The following PRKAR2B variants were observed in gnomAD, a reference collection of about 807,000 sequenced individuals.
PRKAR2B encodes protein kinase cAMP-dependent type II regulatory subunit beta, also known as cAMP-dependent protein kinase type II-beta regulatory subunit.
In PRKAR2B, 14 loss-of-function variants were observed where a neutral mutation model predicts 49.9. The observed-to-expected ratio is 0.28, with a 90% CI of 0.19 to 0.44. The LOEUF is 0.44. Ranked by LOEUF, PRKAR2B falls within the 20% of genes least tolerant of loss-of-function variation. The pLI is 1.00. For missense variants in PRKAR2B, 393 were observed against 537.9 expected, an observed-to-expected ratio of 0.73 and a Z score of 2.67; for synonymous variants, 196 against 197.7, an observed-to-expected ratio of 0.99 and a Z score of 0.07.
chr7:107,084,732 T>C (rs1584419348), intron 2 of PRKAR2B, among the ~76,000 whole-genome samples: 1 of 152,024 alleles, frequency 6.6e-6, no homozygotes, highest in South Asian at 2.1e-4. Flanking sequence ...GCCATTCTCC[T>C]GCCTCAACCT....
intron 1 of PRKAR2B, among the ~76,000 whole-genome samples, chr7:107,051,362 C>T (rs1394858739): frequency 6.6e-6 from 1 of 152,024 alleles, no homozygotes; most frequent in Non-Finnish European, 1.5e-5. Context: ...TAAGAAGAGA[C>T]AATGGAAAAG....
At chr7:107,112,709 C>T (rs2395835) in intron 2 of PRKAR2B, among the ~76,000 whole-genome samples, 11 of 151,680 alleles carry the variant, frequency 7.3e-5, no homozygotes, top group African/African-American at 1.9e-4. Flanking sequence ...ATGCTTATTA[C>T]GTTTTTTACA....
At chr7:107,112,719 A>C (rs1795199667) in intron 2 of PRKAR2B, among the ~76,000 whole-genome samples, 1 of 152,154 alleles carries the variant, frequency 6.6e-6, no homozygotes, top group South Asian at 2.1e-4. Flanking sequence ...CGTTTTTTAC[A>C]TGGATTTATT....
At chr7:107,129,367 G>A (rs1221080352) in intron 4 of PRKAR2B, among the ~76,000 whole-genome samples, 7 of 152,038 alleles carry the variant, frequency 4.6e-5, no homozygotes, top group Admixed American at 3.9e-4. Context: ...GCTTTGATAG[G>A]CCTAAATTTG....
intron 1 of PRKAR2B, chr7:107,067,444 T>TA (rs1401210089): frequency 6.6e-6 from 1 of 152,174 alleles, no homozygotes; most frequent in Non-Finnish European, 1.5e-5. Flanking sequence ...CCCATCTTCT[T>TA]AACTGTCCAA....
In PRKAR2B at chr7:107,072,519, G is replaced by T. The variant is rs1342783088; in HGVS notation, c.343+2203G>T. On this transcript the variant is annotated intron_variant, in intron 2 of 10. Transcript: ENST00000265717. ...TGTGGTATAAGAAAAAAGGGAAGAG[G>T]ATTTATTTAATCATCTACTTCTCTG... Among the ~76,000 whole-genome samples, 3 of 152,040 alleles carry T rather than the reference G, an allele frequency of 2.0e-5. No individual in the cohort carries two copies. The East Asian group carries it at 5.8e-4, about 29-fold the overall frequency.
At chr7:107,108,634 C>T (rs751668025) in intron 2 of PRKAR2B, among the ~76,000 whole-genome samples, 31 of 152,168 alleles carry the variant, frequency 2.0e-4, no homozygotes, top group Non-Finnish European at 2.9e-5. Context: ...GTGAAGGTTT[C>T]CCTCAGTTTT....
At chr7:107,075,941 G>A (rs1252006841) in intron 2 of PRKAR2B, among the ~76,000 whole-genome samples, 1 of 152,094 alleles carries the variant, frequency 6.6e-6, no homozygotes, top group Admixed American at 6.6e-5. Context: ...TCTCTGAATT[G>A]GGGAGGGGCT....
chr7:107,101,082 A>T (rs1374330625), intron 2 of PRKAR2B, among the ~76,000 whole-genome samples: 3 of 142,830 alleles, frequency 2.1e-5, no homozygotes, highest in Non-Finnish European at 4.5e-5. Flanking sequence ...ATTTTAGATT[A>T]TACATTGTAG....
intron 2 of PRKAR2B, among the ~76,000 whole-genome samples, chr7:107,111,854 GT>G (rs1262842184): frequency 6.6e-6 from 1 of 151,784 alleles, no homozygotes; most frequent in Non-Finnish European, 1.5e-5. Context: ...CCAGTAGTAT[GT>G]AAAAAAGTCT....
intron 2 of PRKAR2B, among the ~76,000 whole-genome samples, chr7:107,092,268 TGC>T (rs1385555772): frequency 4.7e-5 from 7 of 148,462 alleles, no homozygotes; most frequent in African/African-American, 1.5e-4. Context: ...TGTGTGTGTG[TGC>T]GTGTGTCTGT....
Position 107,159,710 on chromosome 7 carries a change from A to G in PRKAR2B, c.*128A>G. The G allele has an allele frequency of 1.1e-6, 1 of 948,812 alleles. No homozygotes were observed. 58.8% of individuals were successfully genotyped at this position (948,812 alleles called of 1,614,324 possible). ...GGTTTTTTCCTTTTTTTACATTTAC[A>G]ACGTATCAATAAACAGTAGTGATTT... is the stretch of plus-strand genomic sequence containing the variant. On this transcript the variant is annotated 3_prime_UTR_variant, in exon 11 of 11. Transcript: ENST00000265717.
chr7:107,081,458 A>G (rs967157998), intron 2 of PRKAR2B, among the ~76,000 whole-genome samples: 1 of 138,144 alleles, frequency 7.2e-6, no homozygotes, highest in African/African-American at 2.8e-5. Flanking sequence ...GCTGACTACT[A>G]GAGAATGTTA....
rs928823801 is a variant in PRKAR2B at position 107,070,334 on chromosome 7, A to C, written c.343+18A>C. On this transcript the variant is annotated intron_variant, in intron 2 of 10. Coordinates refer to ENST00000265717, the MANE Select transcript of PRKAR2B (RefSeq NM_002736.3). ...TGCCTCAGGTAAGTCTGATTATATT[A>C]TGGATTTTGTTTATTAATGGTGACA... is the stretch of plus-strand genomic sequence containing the variant. 6.3e-7 allele frequency: 1 copy of C among 1,587,500 alleles called. No individual in the cohort carries two copies. Among genetic ancestry groups the C allele is most frequent in the Non-Finnish European group, 8.6e-7 (1 of 1,159,660 alleles).
At chr7:107,144,635 G>GT (rs1795855553) in intron 5 of PRKAR2B, among the ~76,000 whole-genome samples, 1 of 150,042 alleles carries the variant, frequency 6.7e-6, no homozygotes, top group Non-Finnish European at 1.5e-5. Context: ...TAATTTTTTG[G>GT]TTTTTTGTAG....
At chr7:107,101,132 C>CTTTTT (rs1294832424) in intron 2 of PRKAR2B, among the ~76,000 whole-genome samples, 3 of 122,826 alleles carry the variant, frequency 2.4e-5, no homozygotes, top group Non-Finnish European at 3.4e-5. Context: ...CAGGTTGTTG[C>CTTTTT]TTATTTTTTT....
chr7:107,064,483 C>G (rs1794092741), intron 1 of PRKAR2B, among the ~76,000 whole-genome samples: 1 of 152,158 alleles, frequency 6.6e-6, no homozygotes. Flanking sequence ...TGCTTCTTTG[C>G]TGTATAATCA....
At chr7:107,107,596 C>T (rs919774559) in intron 2 of PRKAR2B, among the ~76,000 whole-genome samples, 1 of 151,666 alleles carries the variant, frequency 6.6e-6, no homozygotes, top group Non-Finnish European at 1.5e-5. Context: ...TGAAGAAACT[C>T]AATTATGAGG....
chr7:107,063,639 C>T (rs1794070931), intron 1 of PRKAR2B, among the ~76,000 whole-genome samples: 1 of 152,090 alleles, frequency 6.6e-6, no homozygotes, highest in South Asian at 2.1e-4. Flanking sequence ...GCAGGAATAT[C>T]TTCATTCTGG....
Sources: gnomAD v4.1 joint callset for allele counts (sites outside exome capture counted in the v4.1 genomes callset) on GRCh38, gnomAD v4.1.1 for gene constraint, MANE v1.5 for transcripts, NCBI Gene and HGNC (gene_info 2026-07-23, HGNC 2026-07-21) for gene names.